NFATC1: variants seen among roughly 807,000 people sequenced by gnomAD.
NFATC1 encodes nuclear factor of activated T-cells, cytoplasmic 1.
NFATC1 carries 22 observed loss-of-function variants against 76.0 expected under a neutral mutation model. That is an observed-to-expected ratio of 0.29 (90% CI 0.21 to 0.41). The LOEUF (loss-of-function observed/expected upper bound fraction) is 0.41, where lower values mean the gene tolerates loss of function less well. NFATC1 is among the 10% of genes least tolerant of loss of function. NFATC1 has a pLI of 1.00. For missense variants in NFATC1, 1,357 were observed against 1,337.7 expected (o/e 1.01, Z -0.23); for synonymous variants, 704 against 613.1 (o/e 1.15, Z -2.19).
At chr18:79,483,643 G>GTTCCTGGGGCGTCACTCTGGCGTGACCTT (rs2089395395) in intron 8 of NFATC1, among the ~76,000 whole-genome samples, 1 of 142,528 alleles carries the variant, frequency 7.0e-6, no homozygotes, top group East Asian at 2.1e-4. Context: ...GGCGTGACCT[G>GTTCCTGGGGCGTCACTCTGGCGTGACCTT]GTCCTGGGGT....
chr18:79,436,209 T>G (rs995026972), intron 3 of NFATC1, among the ~76,000 whole-genome samples: 2 of 152,244 alleles, frequency 1.3e-5, no homozygotes, highest in African/African-American at 2.4e-5. Context: ...TTCCCGCTTT[T>G]CAGAAACGAG....
chr18:79,500,424 C>A (rs906577394), intron 9 of NFATC1, among the ~76,000 whole-genome samples: 1 of 151,830 alleles, frequency 6.6e-6, no homozygotes, highest in Non-Finnish European at 1.5e-5. Flanking sequence ...GCTTTAAATG[C>A]CTATATGAGG....
At chr18:79,436,538 CGTCCGCGTCCTCCCACGCCCGCT>C (rs949778076) in intron 3 of NFATC1, among the ~76,000 whole-genome samples, 12 of 152,136 alleles carry the variant, frequency 7.9e-5, no homozygotes, top group African/African-American at 2.9e-4. Context: ...CCGCACCCGG[CGTCCGCGTCCTCCCACGCCCGCT>C]GTCTCCGTCC....
chr18:79,463,619 C>T (rs538548994), intron 7 of NFATC1, among the ~76,000 whole-genome samples: 11 of 152,358 alleles, frequency 7.2e-5, no homozygotes, highest in African/African-American at 2.6e-4. Flanking sequence ...GCCAGGCCTC[C>T]CCACCTACTG....
At chr18:79,413,442 G>A (rs909752276) in intron 2 of NFATC1, among the ~76,000 whole-genome samples, 2 of 152,162 alleles carry the variant, frequency 1.3e-5, no homozygotes, top group African/African-American at 2.4e-5. Flanking sequence ...TGGAGGCGCC[G>A]TCTTCTCCCC....
chr18:79,486,136 G>T, intron 8 of NFATC1, 112 bp from the exon 9 acceptor site: 1 of 920,106 alleles, frequency 1.1e-6, no homozygotes, highest in Non-Finnish European at 1.7e-6. Flanking sequence ...AGGAGACAGA[G>T]GGACCCAGTC....
At chr18:79,447,859 T>TG (rs2087281051) in intron 3 of NFATC1, among the ~76,000 whole-genome samples, 1 of 152,222 alleles carries the variant, frequency 6.6e-6, no homozygotes, top group East Asian at 1.9e-4. Context: ...CCACGCGTGG[T>TG]GCAGAGAAGG....
intron 2 of NFATC1, among the ~76,000 whole-genome samples, chr18:79,420,441 GACTTC>G (rs1269479901): frequency 6.7e-6 from 1 of 148,414 alleles, no homozygotes; most frequent in African/African-American, 2.5e-5. Flanking sequence ...CTTTCCAGGT[GACTTC>G]GCTGCAGAGA....
At chr18:79,421,742 G>A (rs1390004727) in intron 2 of NFATC1, 2 of 152,354 alleles carry the variant, frequency 1.3e-5, no homozygotes, top group East Asian at 3.8e-4. Context: ...CCAGGAGAGG[G>A]CTGTGAAGCA....
In NFATC1 at chr18:79,448,786, A is replaced by G. The variant is rs1428303808; in HGVS notation, c.1391A>G (p.His464Arg). ...TGTTTTCTGTTCTCTCGCCAGCTGC[A>G]TGGCTACTTGGAGAATGAGCCGCTG... ...SAGGHPIVQL[H>R]GYLENEPLML... is the part of the protein sequence containing the mutation. Residue 464 changes from histidine (H) to arginine (R), a missense_variant, in exon 4 of 10, where the codon CAT (histidine) becomes CGT (arginine). Transcript: ENST00000427363. 3.1e-6 allele frequency: 5 copies of G among 1,613,202 alleles called. No homozygotes were observed. Among genetic ancestry groups the G allele is most frequent in the Admixed American group, 1.7e-5 (1 of 60,008 alleles).
chr18:79,396,670 G>C (rs2085015899), intron 1 of NFATC1, among the ~76,000 whole-genome samples: 1 of 152,212 alleles, frequency 6.6e-6, no homozygotes, highest in Admixed American at 6.5e-5. Flanking sequence ...AGGCTGGGCC[G>C]TCAGGACCAC....
In NFATC1 at chr18:79,411,161, A is replaced by G. The variant is rs1205458938; in HGVS notation, c.886A>G (p.Thr296Ala). ...GCACGGCTCCCCGCGGGTCAGCGTG[A>G]CCGACGACTCGTGGTTGGGCAACAC... ...SPHGSPRVSVTDDSWLGNTTQ... is the reference protein window; with the variant it reads ...SPHGSPRVSVADDSWLGNTTQ... Residue 296 changes from threonine (T) to alanine (A), a missense_variant, in exon 2 of 10, where the codon ACC becomes GCC. Transcript: ENST00000427363. 1 of 1,612,324 alleles carries G rather than the reference A, an allele frequency of 6.2e-7. No individual in the cohort carries two copies. The highest frequency in any genetic ancestry group is 1.1e-5 in the South Asian group (1 of 91,068).
intron 6 of NFATC1, among the ~76,000 whole-genome samples, chr18:79,456,623 G>A (rs184246418): frequency 0.013 from 2,038 of 152,126 alleles, 56 homozygotes; most frequent in African/African-American, 0.047. Context: ...AGGCAGACTA[G>A]TGGCACTGCC....
chr18:79,464,679 T>TCTACACAC (rs1240399312), intron 7 of NFATC1, among the ~76,000 whole-genome samples: 1 of 110,474 alleles, frequency 9.1e-6, no homozygotes, highest in Non-Finnish European at 1.7e-5. Flanking sequence ...TGTATATGTA[T>TCTACACAC]GTGTATATAT....
chr18:79,418,285 C>T (rs997790801), intron 2 of NFATC1, among the ~76,000 whole-genome samples: 31 of 152,196 alleles, frequency 2.0e-4, no homozygotes, highest in African/African-American at 7.5e-4. Flanking sequence ...GCTTAACGGC[C>T]ACCCGACTGT....
At chr18:79,460,184 C>A (rs1375391055) in intron 6 of NFATC1, among the ~76,000 whole-genome samples, 1 of 152,192 alleles carries the variant, frequency 6.6e-6, no homozygotes. Context: ...CACCCTCCAC[C>A]CAGGCAGCAG....
At chr18:79,442,387 G>T (rs751924478) in intron 3 of NFATC1, among the ~76,000 whole-genome samples, 62 of 152,212 alleles carry the variant, frequency 4.1e-4, no homozygotes, top group Admixed American at 1.6e-3. Flanking sequence ...GCCATTCACG[G>T]GCGCCATGTC....
chr18:79,520,026 G>T (rs1006719261), intron 9 of NFATC1, among the ~76,000 whole-genome samples: 2 of 152,226 alleles, frequency 1.3e-5, no homozygotes, highest in Non-Finnish European at 2.9e-5. Flanking sequence ...AGGAAGCGGG[G>T]ATGGAGGGCA....
Position 79,486,883 on chromosome 18 carries a change from C to A in NFATC1, c.2728C>A (p.Pro910Thr). 1 of 1,610,526 alleles carries A rather than the reference C, an allele frequency of 6.2e-7. No individual in the cohort carries two copies. Among genetic ancestry groups the A allele is most frequent in the East Asian group, 2.2e-5 (1 of 44,828 alleles). The change falls in exon 9 of 10, where the codon CCT (proline) becomes ACT (threonine). Residue 910 changes from proline (P) to threonine (T), a missense_variant. Pro to Thr is a conservative substitution (Grantham distance 38). This residue lies in a region of NFATC1 where 424 missense variants were observed against 395.4 expected (regional missense o/e 1.07). Transcript: ENST00000427363. ...EDGSPNLAPIPVTVKREPEEL... is the reference protein window; with the variant it reads ...EDGSPNLAPITVTVKREPEEL... ...CGGTAGTCCTAATTTGGCCCCTATT[C>A]CTGTAACGGTCAAGCGAGAGCCTGA...
Sources: allele counts gnomAD v4.1 joint callset (sites outside exome capture counted in the v4.1 genomes callset), GRCh38; gene constraint gnomAD v4.1.1; regional missense constraint gnomAD v4.1.1; transcripts MANE v1.5; gene names NCBI Gene and HGNC (gene_info 2026-07-23, HGNC 2026-07-21).